The following IGF2R variants were observed in gnomAD, a reference collection of about 807,000 sequenced individuals.
IGF2R encodes cation-independent mannose-6-phosphate receptor.
In IGF2R, 91 loss-of-function variants were observed where a neutral mutation model predicts 270.6. The ratio of observed to expected loss-of-function variants is 0.34; its 90% confidence interval spans 0.28 to 0.40. The LOEUF is 0.40. Ranked by LOEUF, IGF2R falls within the 10% of genes least tolerant of loss-of-function variation. The pLI is 1.00. For synonymous variants in IGF2R, 1,316 were observed against 1,258.9 expected (o/e 1.05, Z -0.96); for missense variants, 2,805 against 3,188.3 (o/e 0.88, Z 2.90).
chr6:160,060,571 G>T lies in IGF2R; in HGVS notation c.3116G>T (p.Arg1039Leu). ...GGTACCGCTGATGCTTTTATCGTCC[G>T]CTTTGTTTGCAATGATGATGTTTAC... ...AKGTADAFIV[R>L]FVCNDDVYSG... The change falls in exon 23 of 48, where the codon CGC becomes CTC. Residue 1039 changes from arginine to leucine, a missense_variant. Physicochemically the swap from Arg to Leu is moderately radical, Grantham distance 102 (BLOSUM62 -2). Around this residue, in one of 2 missense-constraint regions of IGF2R, gnomAD observed 1,851 missense variants for 2,207.2 expected, o/e 0.84. Transcript: ENST00000356956. 1 of 1,614,212 alleles carries T rather than the reference G, an allele frequency of 6.2e-7. No homozygotes were observed. Among genetic ancestry groups the T allele is most frequent in the Non-Finnish European group, 8.5e-7 (1 of 1,180,022 alleles).
chr6:159,980,112 C>T (rs908755187), intron 1 of IGF2R, among the ~76,000 whole-genome samples: 4 of 151,724 alleles, frequency 2.6e-5, no homozygotes, highest in African/African-American at 7.3e-5. Context: ...ACCCGGGAGG[C>T]GGAGCTTGCA....
In IGF2R at chr6:160,061,910, T is replaced by G. The variant is rs1372177784; in HGVS notation, c.3564T>G (p.Phe1188Leu). The change falls in exon 25 of 48, where the codon TTT (phenylalanine) becomes TTG (leucine). Residue 1188 changes from phenylalanine (F) to leucine (L), a missense_variant. Coordinates refer to ENST00000356956, the MANE Select transcript of IGF2R (RefSeq NM_000876.4). ...AGCGCTTCTCCACCAGGATCACGTT[T>G]GAGTGTGCTCAGATATCGGTGTGTG... ...GNQRFSTRIT[F>L]ECAQISGSPA... 6.2e-7 allele frequency: 1 copy of G among 1,614,152 alleles called. No individual in the cohort carries two copies.
chr6:160,053,720 T>C (rs2115254693), intron 19 of IGF2R, among the ~76,000 whole-genome samples: 1 of 152,272 alleles, frequency 6.6e-6, no homozygotes, highest in East Asian at 1.9e-4. Flanking sequence ...TGTCCAGGAC[T>C]TTTACAGGGT....
chr6:159,988,297 C>A (rs538674414), intron 1 of IGF2R, among the ~76,000 whole-genome samples: 1 of 151,988 alleles, frequency 6.6e-6, no homozygotes, highest in African/African-American at 2.4e-5. Context: ...AGGCGGATCA[C>A]GAGATCAGGA....
At chr6:160,093,517 G>C (rs1779278468) in intron 44 of IGF2R, 2 of 590,434 alleles carry the variant, frequency 3.4e-6, no homozygotes, top group Non-Finnish European at 6.3e-6. Context: ...CGTCTGTACA[G>C]CCGGTTCAGC....
At chr6:160,074,283 A>C (rs1417918930) in intron 35 of IGF2R, among the ~76,000 whole-genome samples, 1 of 152,246 alleles carries the variant, frequency 6.6e-6, no homozygotes, top group Non-Finnish European at 1.5e-5. Context: ...AGTGACAGGA[A>C]AGCACATTGC....
Position 160,111,303 on chromosome 6 carries a change from C to T in IGF2R, c.*6219C>T, listed in dbSNP as rs58458113. 0.19 allele frequency: 28,706 copies of T among 151,864 alleles called. 3,068 individuals carry two copies. Among genetic ancestry groups the T allele is most frequent in the East Asian group, 0.4 (2,051 of 5,164 alleles). 9.4% of individuals were successfully genotyped at this position (151,864 alleles called of 1,614,324 possible). On this transcript the variant is annotated 3_prime_UTR_variant, in exon 48 of 48. Transcript: ENST00000356956. ...CTTCTTCTACCTCTTCCACCTCTGG[C>T]ACCCTTGGCACAGCAAGACCAACCC...
chr6:160,104,080 A>T (rs188649109), intron 47 of IGF2R, among the ~76,000 whole-genome samples: 2 of 148,752 alleles, frequency 1.3e-5, no homozygotes, highest in Admixed American at 6.7e-5. Flanking sequence ...GCTGTTCTTT[A>T]AAAAAAAAAC....
chr6:160,044,804 G>A lies in IGF2R; in HGVS notation c.1765+147G>A, dbSNP rs1778033052. On this transcript the variant is annotated intron_variant, in intron 13 of 47. Transcript: ENST00000356956. ...ATTTTGAGTTCCAGACTCTGGCGAT[G>A]GGAGATAGGTCATTTGGAATTTTTC... The A allele has an allele frequency of 7.7e-6, 5 of 651,094 alleles. No individual in the cohort carries two copies. The Admixed American group carries it at 1.4e-4, about 18-fold the overall frequency. The allele number at this position is 651,094 out of a possible 1,614,324, so 40.3% of individuals were successfully genotyped here.
intron 1 of IGF2R, among the ~76,000 whole-genome samples, chr6:159,989,322 G>A (rs890353836): frequency 6.6e-6 from 1 of 152,112 alleles, no homozygotes; most frequent in African/African-American, 2.4e-5. Flanking sequence ...CACGTGGGGG[G>A]GCCTGGTGGT....
chr6:160,005,230 T>C (rs565020420), intron 2 of IGF2R: 99 of 152,480 alleles, frequency 6.5e-4, no homozygotes, highest in African/African-American at 2.0e-3. Flanking sequence ...AAGGAGGCTC[T>C]GCCGGCGAGT....
At position 160,061,822 on chromosome 6, in the gene IGF2R, C is replaced by A; in HGVS notation, c.3476C>A (p.Pro1159His). 9.3e-6 allele frequency: 15 copies of A among 1,614,110 alleles called. No individual in the cohort carries two copies. The highest frequency in any genetic ancestry group is 1.3e-5 in the Non-Finnish European group (15 of 1,180,038). ...SWNLGVVQMSPQAAANGSLSI... is the reference protein window; with the variant it reads ...SWNLGVVQMSHQAAANGSLSI... ...AATCTGGGTGTGGTGCAGATGAGTC[C>A]CCAAGCCGCGGCGAATGGATCTTTG... The change falls in exon 25 of 48, where the codon CCC (proline) becomes CAC (histidine). Residue 1159 changes from proline (P) to histidine (H), a missense_variant. Transcript: ENST00000356956.
chr6:160,085,142 T>G lies in IGF2R; in HGVS notation c.6205+11T>G. The G allele has an allele frequency of 6.2e-7, 1 of 1,612,154 alleles. No homozygotes were observed. Among genetic ancestry groups the G allele is most frequent in the Non-Finnish European group, 8.5e-7 (1 of 1,179,396 alleles). ...AGCTGGGTGTCATAGGTAAGGCCTG[T>G]GGGTCCTGGTCCTTGGTTCAAGGAG... is the stretch of plus-strand genomic sequence containing the variant. On this transcript the variant is annotated intron_variant, in intron 41 of 47. Transcript: ENST00000356956.
At chr6:160,074,936 C>T (rs921288713) in intron 35 of IGF2R, among the ~76,000 whole-genome samples, 2 of 152,162 alleles carry the variant, frequency 1.3e-5, no homozygotes, top group African/African-American at 4.8e-5. Context: ...GACCGGGGAT[C>T]CTCGATCGGG....
chr6:160,061,706 A>C, intron 24 of IGF2R, 47 bp from the exon 25 acceptor site: 1 of 1,613,470 alleles, frequency 6.2e-7, no homozygotes. Context: ...ATTTGACTCA[A>C]GGTCATCGCC....
In IGF2R at chr6:159,981,394, C is replaced by G. The variant is rs972557575; in HGVS notation, c.150-9790C>G. Among the ~76,000 whole-genome samples, 12 of 152,198 alleles carry G rather than the reference C, an allele frequency of 7.9e-5. No homozygotes were observed. The South Asian group carries it at 2.5e-3, about 32-fold the overall frequency. On this transcript the variant is annotated intron_variant, in intron 1 of 47. Coordinates refer to ENST00000356956, the MANE Select transcript of IGF2R (RefSeq NM_000876.4). ...GCGTGTGTCTCTGTCTTCATCAGCT[C>G]CTAGGAGATGCCTCCGGACAGGGGC...
In IGF2R at chr6:160,073,759, C is replaced by A. The variant is rs749422618; in HGVS notation, c.4950C>A (p.Thr1650=). The change falls in exon 35 of 48, where the codon ACC becomes ACA. Residue 1650 remains threonine, a splice_region_variant and synonymous_variant. Coordinates refer to ENST00000356956, the MANE Select transcript of IGF2R (RefSeq NM_000876.4). ...WHTPLACEQA[T]ECSVRNGSSI... ...AAGCAGTCTTTCCTACTTAACAGAC[C>A]GAATGTTCCGTGAGGAATGGAAGCT... The A allele has an allele frequency of 1.2e-6, 2 of 1,613,172 alleles. No homozygotes were observed. The highest frequency in any genetic ancestry group is 1.7e-6 in the Non-Finnish European group (2 of 1,179,358).
At chr6:159,976,761 A>G (rs576858187) in intron 1 of IGF2R, among the ~76,000 whole-genome samples, 7 of 151,878 alleles carry the variant, frequency 4.6e-5, no homozygotes, top group African/African-American at 7.3e-5. Flanking sequence ...TTTCAGGTCC[A>G]TGGACTTTGG....
intron 6 of IGF2R, among the ~76,000 whole-genome samples, chr6:160,028,687 C>G (rs1293752211): frequency 6.6e-6 from 1 of 152,178 alleles, no homozygotes; most frequent in Non-Finnish European, 1.5e-5. Flanking sequence ...AACCCCAGTT[C>G]AGTAACTGCT....
Sources: allele counts gnomAD v4.1 joint callset (sites outside exome capture counted in the v4.1 genomes callset), GRCh38; gene constraint gnomAD v4.1.1; regional missense constraint gnomAD v4.1.1; transcripts MANE v1.5; gene names NCBI Gene and HGNC (gene_info 2026-07-23, HGNC 2026-07-21).